Variants in APP observed in about 807,000 individuals in gnomAD.
The protein encoded by APP is amyloid-beta precursor protein.
In APP, 31 loss-of-function variants were observed where a neutral mutation model predicts 101.4. The observed-to-expected ratio is 0.31, with a 90% CI of 0.23 to 0.41. The LOEUF (loss-of-function observed/expected upper bound fraction) is 0.41, where lower values mean the gene tolerates loss of function less well. Ranked by LOEUF, APP falls within the 10% of genes least tolerant of loss-of-function variation. The pLI, the probability that APP is intolerant of heterozygous loss-of-function variation, is 1.00. For synonymous variants in APP, 366 were observed against 364.4 expected (o/e 1.00, Z -0.05); for missense variants, 839 against 1,003.7 (o/e 0.84, Z 2.22).
At chr21:25,961,201 G>A (rs1203101900) in intron 11 of APP, among the ~76,000 whole-genome samples, 1 of 152,052 alleles carries the variant, frequency 6.6e-6, no homozygotes, top group African/African-American at 2.4e-5. Flanking sequence ...TCCCCACTTC[G>A]AGTCTTCCTG....
chr21:26,142,125 T>C (rs1306420879), intron 1 of APP, among the ~76,000 whole-genome samples: 1 of 152,208 alleles, frequency 6.6e-6, no homozygotes, highest in African/African-American at 2.4e-5. Flanking sequence ...TTGCACCATT[T>C]AAGGTGATAA....
intron 6 of APP, among the ~76,000 whole-genome samples, chr21:26,007,449 A>G (rs2043585614): frequency 6.8e-6 from 1 of 147,520 alleles, no homozygotes; most frequent in South Asian, 2.1e-4. Context: ...TAAATTATAT[A>G]TTATATACTA....
At chr21:25,896,176 C>T (rs959390719) in intron 16 of APP, among the ~76,000 whole-genome samples, 1 of 152,118 alleles carries the variant, frequency 6.6e-6, no homozygotes, top group Non-Finnish European at 1.5e-5. Flanking sequence ...ACAACTGATA[C>T]TAGATTATCT....
At chr21:26,133,160 C>A (rs986060185) in intron 1 of APP, among the ~76,000 whole-genome samples, 1 of 152,150 alleles carries the variant, frequency 6.6e-6, no homozygotes, top group African/African-American at 2.4e-5. Context: ...ATCGCTTGAG[C>A]CCAGCAGGTC....
chr21:26,060,268 A>C (rs1052005551), intron 3 of APP, among the ~76,000 whole-genome samples: 1 of 152,220 alleles, frequency 6.6e-6, no homozygotes, highest in African/African-American at 2.4e-5. Flanking sequence ...ACTGTTTTAC[A>C]TGTGAGTACT....
intron 1 of APP, among the ~76,000 whole-genome samples, chr21:26,149,297 A>C (rs2063214555): frequency 6.6e-6 from 1 of 152,210 alleles, no homozygotes; most frequent in Admixed American, 6.5e-5. Context: ...TCCACTGGCC[A>C]GCTCCCTCCC....
chr21:26,017,233 G>A lies in APP; in HGVS notation c.865+4607C>T, dbSNP rs1191009398. Among the ~76,000 whole-genome samples, 83 of 108,566 alleles carry A rather than the reference G, an allele frequency of 7.6e-4. 2 individuals carry two copies. The Admixed American group carries it at 7.7e-3, about 10-fold the overall frequency. 71.2% of individuals were successfully genotyped at this position (108,566 alleles called of 152,430 possible). A position where few individuals can be genotyped will look rare whatever the true frequency, so the allele number is the denominator to read the frequency against. ...AAAAAAAAAAATTCTTGGCCTTAGA[G>A]ATCTTGGCTTTAAACGGGGAAGTAA... On this transcript the variant is annotated intron_variant, in intron 6 of 17. Transcript: ENST00000346798.
chr21:26,110,207 G>A (rs559200622), intron 2 of APP, among the ~76,000 whole-genome samples: 1 of 152,298 alleles, frequency 6.6e-6, no homozygotes, highest in Admixed American at 6.5e-5. Context: ...CACTTTGGGA[G>A]GCTGACATGG....
chr21:26,118,864 T>A (rs2062496499), intron 1 of APP, among the ~76,000 whole-genome samples: 1 of 149,666 alleles, frequency 6.7e-6, no homozygotes, highest in Admixed American at 6.7e-5. Context: ...TACTGACATG[T>A]CTCATACAGT....
intron 13 of APP, among the ~76,000 whole-genome samples, chr21:25,932,400 G>A (rs995692217): frequency 6.6e-6 from 1 of 152,108 alleles, no homozygotes; most frequent in Admixed American, 6.6e-5. Flanking sequence ...TGGAAAGTAC[G>A]ATCCATTCGA....
intron 5 of APP, among the ~76,000 whole-genome samples, chr21:26,050,231 A>C (rs2045782477): frequency 6.6e-6 from 1 of 152,206 alleles, no homozygotes; most frequent in South Asian, 2.1e-4. Context: ...CTGTAGCTCT[A>C]GGGAACATCT....
chr21:25,885,421 A>C (rs1039393906), intron 17 of APP, among the ~76,000 whole-genome samples: 2 of 152,252 alleles, frequency 1.3e-5, no homozygotes, highest in African/African-American at 4.8e-5. Flanking sequence ...GTTTGAGCCC[A>C]TGGTGCTTGT....
chr21:25,997,515 A>G, intron 7 of APP, 99 bp from the exon 8 acceptor site: 2 of 1,065,084 alleles, frequency 1.9e-6, no homozygotes, highest in Non-Finnish European at 2.9e-6. Context: ...CAACCTAACA[A>G]ACAAAATCAC....
chr21:25,886,460 T>G (rs2037333900), intron 17 of APP, among the ~76,000 whole-genome samples: 1 of 151,992 alleles, frequency 6.6e-6, no homozygotes, highest in Admixed American at 6.6e-5. Context: ...GTGGCGTGAT[T>G]TTGGCTCACT....
At chr21:25,999,531 CAACTTA>C (rs555058154) in intron 7 of APP, among the ~76,000 whole-genome samples, 4 of 152,204 alleles carry the variant, frequency 2.6e-5, no homozygotes, top group African/African-American at 9.6e-5. Context: ...TGTTATGAAC[CAACTTA>C]AAGGTATTCA....
chr21:26,014,396 TA>T (rs1449571549), intron 6 of APP, among the ~76,000 whole-genome samples: 1 of 152,260 alleles, frequency 6.6e-6, no homozygotes, highest in Non-Finnish European at 1.5e-5. Context: ...CAATACAAGC[TA>T]CTCTGATTTA....
chr21:25,999,997 G>A lies in APP; in HGVS notation c.1033+18C>T, dbSNP rs1171542103. 3.7e-6 allele frequency: 6 copies of A among 1,613,536 alleles called. No homozygotes were observed. Among genetic ancestry groups the A allele is most frequent in the Non-Finnish European group, 4.2e-6 (5 of 1,179,724 alleles). ...AGAGAGACGAAAGGTGGCCAGGCTCGAAGAAGGGTCCACTTACTGGCGCTG... is the reference window on the plus strand; with the variant it reads ...AGAGAGACGAAAGGTGGCCAGGCTCAAAGAAGGGTCCACTTACTGGCGCTG... On this transcript the variant is annotated intron_variant, in intron 7 of 17. Transcript: ENST00000346798.
chr21:25,979,813 T>TAA (rs56312835), intron 9 of APP, among the ~76,000 whole-genome samples: 151,324 of 151,452 alleles, frequency 1, 75,598 homozygotes, highest in Middle Eastern at 1. Flanking sequence ...AAACACACAT[T>TAA]AAAAAAAATG....
intron 1 of APP, among the ~76,000 whole-genome samples, chr21:26,130,074 TA>T: frequency 6.6e-6 from 1 of 152,228 alleles, no homozygotes; most frequent in African/African-American, 2.4e-5. Flanking sequence ...AACGTTGTGC[TA>T]AATGTCATTA....
Sources: gnomAD v4.1 joint callset for allele counts (sites outside exome capture counted in the v4.1 genomes callset) on GRCh38, gnomAD v4.1.1 for gene constraint, MANE v1.5 for transcripts, NCBI Gene and HGNC (gene_info 2026-07-23, HGNC 2026-07-21) for gene names.